Variants in ABHD6 observed in about 807,000 individuals in gnomAD.
ABHD6 encodes the protein monoacylglycerol lipase ABHD6.
In ABHD6, 33 loss-of-function variants were observed where a neutral mutation model predicts 38.8. That is an observed-to-expected ratio of 0.85 (90% confidence interval 0.64 to 1.14). The LOEUF is 1.14. Ranked by LOEUF, ABHD6 falls within the 50% of genes most tolerant of loss-of-function variation. The probability of loss-of-function intolerance (pLI) is 0.00; values close to 1 mark genes in which losing one functional copy is unlikely to be tolerated. For synonymous variants in ABHD6, 147 were observed against 161.6 expected (o/e 0.91, Z 0.69); for missense variants, 380 against 422.6 (o/e 0.90, Z 0.88).
intron 6 of ABHD6, among the ~76,000 whole-genome samples, chr3:58,271,764 C>CTTT (rs1302501356): frequency 1.3e-5 from 1 of 78,146 alleles, no homozygotes; most frequent in East Asian, 9.8e-4. Flanking sequence ...CCCCCTCTCT[C>CTTT]TGTTTTTTTT....
At chr3:58,245,901 C>A (rs995117727) in intron 1 of ABHD6, among the ~76,000 whole-genome samples, 6 of 152,128 alleles carry the variant, frequency 3.9e-5, no homozygotes, top group African/African-American at 1.4e-4. Context: ...TTTAAAAGTG[C>A]AAGTTTGGCC....
chr3:58,292,065 G>A (rs1421031687), intron 9 of ABHD6, among the ~76,000 whole-genome samples: 2 of 152,226 alleles, frequency 1.3e-5, no homozygotes, highest in Non-Finnish European at 2.9e-5. Flanking sequence ...TGTTATTCCT[G>A]CTCAGTGGGT....
In ABHD6 at chr3:58,256,554, C is replaced by G. The variant is rs531582234; in HGVS notation, c.-25-8C>G. The G allele has an allele frequency of 6.7e-7, 1 of 1,501,322 alleles. No individual in the cohort carries two copies. The highest frequency in any genetic ancestry group is 9.2e-7 in the Non-Finnish European group (1 of 1,082,342). The allele number at this position is 1,501,322 out of a possible 1,614,324, so 93.0% of individuals were successfully genotyped here. On this transcript the variant is annotated splice_polypyrimidine_tract_variant and splice_region_variant and intron_variant, in intron 2 of 9. Transcript: ENST00000478253. The surrounding 1 kb of genome is among the most constrained non-coding windows in gnomAD (Gnocchi z 4.3). ...TTTTAATATCGTCATTCTCTTTGGC[C>G]CCTGCAGGAGTCAGCCAGCCTGAAA...
In ABHD6 at chr3:58,251,664, G is replaced by C. The variant is rs763765295; in HGVS notation, c.-26+1722G>C. ...AGCTTGGGTGTTGAGCAGTGGCAGA[G>C]GATCCTGAGCCTGGGATGTGAGAGT... On this transcript the variant is annotated intron_variant, in intron 2 of 9. Coordinates refer to ENST00000478253, the MANE Select transcript of ABHD6 (RefSeq NM_001320126.2). The surrounding 1 kb of genome is among the most constrained non-coding windows in gnomAD (Gnocchi z 5.4). Among the ~76,000 whole-genome samples the C allele has an allele frequency of 6.6e-6, 1 of 152,200 alleles. No individual in the cohort carries two copies. Among genetic ancestry groups the C allele is most frequent in the Non-Finnish European group, 1.5e-5 (1 of 68,038 alleles).
chr3:58,291,478 C>T (rs1189088642), intron 9 of ABHD6, among the ~76,000 whole-genome samples: 2 of 152,062 alleles, frequency 1.3e-5, no homozygotes, highest in African/African-American at 4.8e-5. Context: ...AGGCTGGTCT[C>T]GAACTCCTGG....
rs201004708 is a variant in ABHD6 at position 58,285,102 on chromosome 3, C to T, written c.699C>T (p.Val233=). ...KVPQQILQGL[V]DVRIPHNNFY... ...ATCCTTAGATCCTGCAAGGCCTTGT[C>T]GATGTCCGCATCCCTCATAACAACT... Residue 233 remains valine, a synonymous_variant, in exon 8 of 10, where the codon GTC becomes GTT. Coordinates refer to ENST00000478253, the MANE Select transcript of ABHD6 (RefSeq NM_001320126.2). This position sits in a 1 kb window ranked among gnomAD's most constrained non-coding sequence, Gnocchi z 4.9. 7.0e-5 allele frequency: 113 copies of T among 1,614,140 alleles called. No individual in the cohort carries two copies. In the East Asian group the frequency reaches 1.2e-3, roughly 18 times the overall value.
chr3:58,245,049 G>T (rs1036003111), intron 1 of ABHD6, among the ~76,000 whole-genome samples: 1 of 152,222 alleles, frequency 6.6e-6, no homozygotes, highest in South Asian at 2.1e-4. Context: ...TGTGCTGGGA[G>T]TGAGAAGTCT....
chr3:58,292,488 A>C (rs1008074283), intron 9 of ABHD6, among the ~76,000 whole-genome samples: 6 of 152,154 alleles, frequency 3.9e-5, no homozygotes, highest in African/African-American at 1.4e-4. Flanking sequence ...CCCAGAGGAA[A>C]AGGAGAGGAA....
chr3:58,278,497 CTTT>C (rs1442269261), intron 7 of ABHD6, among the ~76,000 whole-genome samples: 7 of 152,158 alleles, frequency 4.6e-5, no homozygotes, highest in Admixed American at 4.6e-4. Context: ...CTCTTTTCTT[CTTT>C]ATTAGTCTTG....
rs115005222 is a variant in ABHD6, at chr3:58,263,854, A to G, written c.120-3335A>G. On this transcript the variant is annotated intron_variant, in intron 3 of 9. Transcript: ENST00000478253. This position sits in a 1 kb window ranked among gnomAD's most constrained non-coding sequence, Gnocchi z 4.9. ...AAAAATAATAAATAATTTAAAAATA[A>G]AAAGGTAACACAAAGAAAATGTAAA... 0.019 allele frequency among the ~76,000 whole-genome samples: 2,910 copies of G among 152,320 alleles called. 92 individuals are homozygous for G. The highest frequency in any genetic ancestry group is 0.063 in the African/African-American group (2,636 of 41,566).
intron 9 of ABHD6, among the ~76,000 whole-genome samples, chr3:58,292,917 A>G (rs563215727): frequency 6.6e-6 from 1 of 152,296 alleles, no homozygotes; most frequent in Non-Finnish European, 1.5e-5. Flanking sequence ...CTCCTTTTCA[A>G]CAAATAAAGA....
At chr3:58,261,996 T>C (rs1039792729) in intron 3 of ABHD6, among the ~76,000 whole-genome samples, 1 of 152,206 alleles carries the variant, frequency 6.6e-6, no homozygotes, top group Non-Finnish European at 1.5e-5. Context: ...TAGAATATTA[T>C]TCAGCCTTAA....
chr3:58,240,175 G>T (rs1559767854), intron 1 of ABHD6, among the ~76,000 whole-genome samples: 2 of 151,754 alleles, frequency 1.3e-5, no homozygotes, highest in African/African-American at 4.8e-5. Flanking sequence ...AATAAATAAA[G>T]AATGAGTGTT....
chr3:58,248,355 G>A (rs1196038323), intron 1 of ABHD6, among the ~76,000 whole-genome samples: 2 of 152,004 alleles, frequency 1.3e-5, no homozygotes, highest in East Asian at 3.9e-4. Context: ...ATACTCTTAC[G>A]CAAACGTTTT....
intron 9 of ABHD6, among the ~76,000 whole-genome samples, chr3:58,286,862 ATATATATG>A (rs1559784490): frequency 2.0e-4 from 25 of 122,884 alleles, no homozygotes; most frequent in Non-Finnish European, 3.0e-4. Flanking sequence ...GTATATATAT[ATATATATG>A]TATATGTATA....
intron 7 of ABHD6, among the ~76,000 whole-genome samples, chr3:58,279,919 G>A (rs982323419): frequency 2.6e-5 from 4 of 152,130 alleles, no homozygotes; most frequent in Admixed American, 2.0e-4. Context: ...ATATTAGCCC[G>A]CAGTCTCTTC....
chr3:58,286,485 G>A (rs2097457076), intron 9 of ABHD6, among the ~76,000 whole-genome samples: 1 of 151,936 alleles, frequency 6.6e-6, no homozygotes, highest in African/African-American at 2.4e-5. Flanking sequence ...GTTAGCAAAT[G>A]TTTTCTGTAA....
intron 1 of ABHD6, among the ~76,000 whole-genome samples, chr3:58,245,233 C>T (rs2097425493): frequency 6.6e-6 from 1 of 152,160 alleles, no homozygotes; most frequent in Non-Finnish European, 1.5e-5. Flanking sequence ...GGCTCGATCT[C>T]AGCTCATTGC....
intron 6 of ABHD6, 62 bp from the exon 7 acceptor site, chr3:58,274,596 A>G (rs1209707065): frequency 6.5e-7 from 1 of 1,540,818 alleles, no homozygotes; most frequent in Admixed American, 2.0e-5. Context: ...AGTTCCCTAT[A>G]TAAAATGGGA....
Sources: gnomAD v4.1 joint callset for allele counts (sites outside exome capture counted in the v4.1 genomes callset) on GRCh38, gnomAD v4.1.1 for gene constraint, Gnocchi (gnomAD v3.1) non-coding constraint, MANE v1.5 for transcripts, NCBI Gene and HGNC (gene_info 2026-07-23, HGNC 2026-07-21) for gene names.